Variants in TMEM156 observed in about 807,000 individuals in gnomAD.
TMEM156 encodes the protein transmembrane protein 156.
Under a neutral mutation model 30.5 loss-of-function variants are expected in TMEM156, and 28 were observed. The ratio of observed to expected loss-of-function variants is 0.92; its 90% CI spans 0.68 to 1.26. TMEM156 has a LOEUF of 1.26. Ranked by LOEUF, TMEM156 falls within the 50% of genes most tolerant of loss-of-function variation. TMEM156 has a pLI of 0.00. For synonymous variants in TMEM156, 137 were observed against 119.9 expected (o/e 1.14, Z -0.93); for missense variants, 351 against 340.6 (o/e 1.03, Z -0.24).
intron 3 of TMEM156, 33 bp from the exon 4 acceptor site, chr4:38,989,003 T>TA (rs1712225453): frequency 6.3e-7 from 1 of 1,595,986 alleles, no homozygotes; most frequent in Non-Finnish European, 8.5e-7. Context: ...AAAAACCCAG[T>TA]AAAATTATTC....
At chr4:38,981,006 A>G in intron 5 of TMEM156, 1 of 944,804 alleles carries the variant, frequency 1.1e-6, no homozygotes, top group Non-Finnish European at 1.3e-6. Context: ...TGCAAAAAGA[A>G]TCATCCTCTT....
intron 1 of TMEM156, among the ~76,000 whole-genome samples, chr4:39,031,616 T>A (rs963698338): frequency 6.6e-6 from 1 of 152,014 alleles, no homozygotes. Context: ...CCAGGCACAG[T>A]GGCACAAGCC....
intron 5 of TMEM156, among the ~76,000 whole-genome samples, chr4:38,986,068 AT>A (rs1479404207): frequency 2.0e-5 from 3 of 152,182 alleles, no homozygotes; most frequent in African/African-American, 7.2e-5. Flanking sequence ...TCTTATCCCT[AT>A]TGCTTTCTCT....
intron 5 of TMEM156, among the ~76,000 whole-genome samples, chr4:38,977,913 G>T (rs1391296863): frequency 1.3e-5 from 2 of 152,200 alleles, no homozygotes; most frequent in African/African-American, 4.8e-5. Context: ...GCCCTCGGAT[G>T]CTTCTTCTTT....
Position 39,015,366 on chromosome 4 carries a change from T to C in TMEM156, c.89-16457A>G, listed in dbSNP as rs868223674. On this transcript the variant is annotated intron_variant, in intron 1 of 6. Coordinates refer to ENST00000381938, the MANE Select transcript of TMEM156 (RefSeq NM_024943.3). Reference sequence around the variant, plus strand: ...GATTATCTGGGTGGATCCAGTGTAATCATGAATGTGGAATTGGGTAGCAGA... The same window carrying C: ...GATTATCTGGGTGGATCCAGTGTAACCATGAATGTGGAATTGGGTAGCAGA... 4.6e-5 allele frequency among the ~76,000 whole-genome samples: 7 copies of C among 152,282 alleles called. No individual in the cohort carries two copies. The Middle Eastern group carries it at 0.017, about 370-fold the overall frequency.
Position 38,986,360 on chromosome 4 carries a change from C to G in TMEM156, c.799G>C (p.Ala267Pro). ...LRGSDSEKLR[A>P]LNVQVLSAET... ...CCTGAAAGAACCTGCACATTCAATG[C>G]TCTCAGTTTCTCCGAATCACTTCCT... The change falls in exon 5 of 7, where the codon GCA becomes CCA. Residue 267 changes from alanine to proline, a missense_variant. Physicochemically the swap from Ala to Pro is conservative, Grantham distance 27 (BLOSUM62 -1). Transcript: ENST00000381938. 1.9e-6 allele frequency: 3 copies of G among 1,613,862 alleles called. No homozygotes were observed. Among genetic ancestry groups the G allele is most frequent in the Non-Finnish European group, 2.5e-6 (3 of 1,179,820 alleles).
At position 38,998,660 on chromosome 4, in the gene TMEM156, G is replaced by A; in HGVS notation, c.338C>T (p.Ser113Phe). ...TTTACCTTTTGATGTTTGTTCCTGA[G>A]AAATAAAATCCATGTTTCCTTTAGA... Reference protein sequence around the residue: ...CESKGNMDFISQEQTSKVLIR... With the variant: ...CESKGNMDFIFQEQTSKVLIR... Residue 113 changes from serine to phenylalanine, a missense_variant, in exon 2 of 7, where the codon TCT becomes TTT. By Grantham distance (155) the Ser-to-Phe change is radical. Coordinates refer to ENST00000381938, the MANE Select transcript of TMEM156 (RefSeq NM_024943.3). The A allele has an allele frequency of 6.2e-7, 1 of 1,611,232 alleles. No homozygotes were observed. The highest frequency in any genetic ancestry group is 8.5e-7 in the Non-Finnish European group (1 of 1,178,444).
chr4:39,005,033 T>C (rs1004408124), intron 1 of TMEM156, among the ~76,000 whole-genome samples: 11 of 152,196 alleles, frequency 7.2e-5, no homozygotes, highest in African/African-American at 2.2e-4. Context: ...ATTCATGTAA[T>C]GGGATACCAC....
chr4:38,984,331 CTG>C (rs1491452924), intron 5 of TMEM156, among the ~76,000 whole-genome samples: 63 of 133,416 alleles, frequency 4.7e-4, no homozygotes, highest in Admixed American at 2.0e-3. Flanking sequence ...CTCTTTCTCT[CTG>C]TCTCTCTCTC....
At chr4:39,006,942 A>AAAAC (rs1048922480) in intron 1 of TMEM156, among the ~76,000 whole-genome samples, 9 of 152,078 alleles carry the variant, frequency 5.9e-5, no homozygotes, top group Admixed American at 5.2e-4. Context: ...GAACCTGTCT[A>AAAAC]AAACAAACAA....
At chr4:38,991,009 A>G (rs1712414892) in intron 3 of TMEM156, among the ~76,000 whole-genome samples, 1 of 149,360 alleles carries the variant, frequency 6.7e-6, no homozygotes, top group South Asian at 2.1e-4. Flanking sequence ...AATTTTTTGT[A>G]TTTTTAGTAG....
chr4:38,975,478 G>A (rs1579453396), intron 5 of TMEM156, among the ~76,000 whole-genome samples: 1 of 150,076 alleles, frequency 6.7e-6, no homozygotes, highest in South Asian at 2.1e-4. Flanking sequence ...CACCTCCAGA[G>A]TTCAAGTGAT....
chr4:39,013,392 T>G (rs1418363370), intron 1 of TMEM156, among the ~76,000 whole-genome samples: 1 of 147,458 alleles, frequency 6.8e-6, no homozygotes, highest in South Asian at 2.1e-4. Flanking sequence ...TTTATTTATT[T>G]ATTTATTTAT....
At chr4:38,984,759 T>G (rs1711848076) in intron 5 of TMEM156, among the ~76,000 whole-genome samples, 1 of 152,150 alleles carries the variant, frequency 6.6e-6, no homozygotes, top group South Asian at 2.1e-4. Context: ...ACGCTAAGCC[T>G]CAAAAGGGTT....
chr4:38,997,300 T>C (rs1712999094), intron 2 of TMEM156, among the ~76,000 whole-genome samples: 1 of 152,192 alleles, frequency 6.6e-6, no homozygotes, highest in Non-Finnish European at 1.5e-5. Context: ...GGGGTGAGGG[T>C]TGGAACATTA....
intron 3 of TMEM156, among the ~76,000 whole-genome samples, chr4:38,992,670 AT>A (rs1712551910): frequency 1.7e-5 from 1 of 59,214 alleles, no homozygotes; most frequent in Non-Finnish European, 3.5e-5. Flanking sequence ...TGCTACATAT[AT>A]ATATAATATA....
At chr4:38,999,480 G>T (rs1713187535) in intron 1 of TMEM156, among the ~76,000 whole-genome samples, 1 of 152,112 alleles carries the variant, frequency 6.6e-6, no homozygotes, top group Non-Finnish European at 1.5e-5. Flanking sequence ...GAATCCATCT[G>T]TTCCAAAATA....
At chr4:39,007,323 T>A (rs1713807883) in intron 1 of TMEM156, among the ~76,000 whole-genome samples, 1 of 152,214 alleles carries the variant, frequency 6.6e-6, no homozygotes, top group Admixed American at 6.5e-5. Flanking sequence ...AGTGGTGAAG[T>A]ACCCGGTGGT....
chr4:38,991,779 G>GA (rs1275329763), intron 3 of TMEM156, among the ~76,000 whole-genome samples: 1 of 151,890 alleles, frequency 6.6e-6, no homozygotes. Context: ...AATGTACATT[G>GA]AAAAAAATAT....
Sources: allele counts gnomAD v4.1 joint callset (sites outside exome capture counted in the v4.1 genomes callset), GRCh38; gene constraint gnomAD v4.1.1; transcripts MANE v1.5; gene names NCBI Gene and HGNC (gene_info 2026-07-23, HGNC 2026-07-21).